Variants in RASGRP1 observed in about 807,000 individuals in gnomAD.
The protein encoded by RASGRP1 is RAS guanyl-releasing protein 1.
Under a neutral mutation model 95.1 loss-of-function variants are expected in RASGRP1, and 37 were observed. That is an observed-to-expected ratio of 0.39 (90% CI 0.30 to 0.51). The LOEUF is 0.51. Among genes scored for constraint, RASGRP1 ranks in the 20% least tolerant of loss-of-function variants. The probability of loss-of-function intolerance (pLI) is 0.80; values close to 1 mark genes in which losing one functional copy is unlikely to be tolerated. For synonymous variants in RASGRP1, 325 were observed against 353.4 expected (o/e 0.92, Z 0.90); for missense variants, 711 against 965.4 (o/e 0.74, Z 3.49).
rs1890475831 is a variant in RASGRP1 at position 38,489,240 on chromosome 15, G to GAAAAAAAA, written c.*1313_*1314insTTTTTTTT. On this transcript the variant is annotated 3_prime_UTR_variant, in exon 17 of 17. Transcript: ENST00000310803. ...GCTAAGTACCCCCAAAAAGGAAAAT[G>GAAAAAAAA]ATCATATGATTTTTTTTTTTTTAAG... The GAAAAAAAA allele has an allele frequency of 6.6e-6, 1 of 151,222 alleles. No homozygotes were observed. The highest frequency in any genetic ancestry group is 1.5e-5 in the Non-Finnish European group (1 of 67,794). The allele number at this position is 151,222 out of a possible 1,614,324, so 9.4% of individuals were successfully genotyped here.
chr15:38,509,243 C>T (rs1459016494), intron 8 of RASGRP1, among the ~76,000 whole-genome samples: 1 of 152,160 alleles, frequency 6.6e-6, no homozygotes, highest in Non-Finnish European at 1.5e-5. Context: ...TTGCCAACAT[C>T]ATTACTCTTG....
At chr15:38,505,779 A>G (rs1891231883) in intron 10 of RASGRP1, 61 bp downstream of exon 10, 1 of 1,319,244 alleles carries the variant, frequency 7.6e-7, no homozygotes, top group Admixed American at 1.8e-5. Flanking sequence ...AGGATGAATG[A>G]ACTCGAGGAG....
Position 38,488,193 on chromosome 15 carries a change from T to C in RASGRP1, c.*2361A>G, listed in dbSNP as rs900153425. The stretch of plus-strand genomic sequence containing the variant: ...AAAAACTTTACAATCTGTACATTTG[T>C]TTTTTTCTTGCATTTCTATATTATA... On this transcript the variant is annotated 3_prime_UTR_variant, in exon 17 of 17. Transcript: ENST00000310803. 6.6e-6 allele frequency: 1 copy of C among 152,030 alleles called. No homozygotes were observed. Among genetic ancestry groups the C allele is most frequent in the Admixed American group, 6.6e-5 (1 of 15,256 alleles). 9.4% of individuals were successfully genotyped at this position (152,030 alleles called of 1,614,324 possible).
At chr15:38,547,729 A>T (rs764479184) in intron 2 of RASGRP1, among the ~76,000 whole-genome samples, 6 of 152,202 alleles carry the variant, frequency 3.9e-5, no homozygotes, top group Non-Finnish European at 7.3e-5. Context: ...GGTAAATGGC[A>T]GACTCAGTGA....
chr15:38,564,126 G>A (rs536474879), intron 1 of RASGRP1, among the ~76,000 whole-genome samples: 175 of 152,346 alleles, frequency 1.1e-3, no homozygotes, highest in African/African-American at 4.1e-3. Flanking sequence ...GGCAACCGAG[G>A]GGTGCCACCT....
At chr15:38,517,841 C>A (rs62003615) in intron 5 of RASGRP1, among the ~76,000 whole-genome samples, 1,705 of 152,248 alleles carry the variant, frequency 0.011, 20 homozygotes, top group Non-Finnish European at 0.019. Flanking sequence ...GGAATCCCAT[C>A]CAGCTCTGGA....
intron 11 of RASGRP1, 54 bp downstream of exon 11, chr15:38,503,218 A>G: frequency 7.0e-6 from 10 of 1,437,956 alleles, no homozygotes; most frequent in Non-Finnish European, 9.7e-6. Context: ...CCCCACATAC[A>G]AAACTGAGCC....
chr15:38,524,177 GGAGTTT>G (rs1892104935), intron 3 of RASGRP1: 1 of 152,112 alleles, frequency 6.6e-6, no homozygotes, highest in Non-Finnish European at 1.5e-5. Context: ...CTTGATGCCA[GGAGTTT>G]GAGACCAGAC....
At chr15:38,555,740 A>C (rs1893530610) in intron 2 of RASGRP1, among the ~76,000 whole-genome samples, 1 of 152,228 alleles carries the variant, frequency 6.6e-6, no homozygotes, top group Admixed American at 6.5e-5. Context: ...AAGAAAAAAT[A>C]AGTCAGTCCA....
intron 2 of RASGRP1, among the ~76,000 whole-genome samples, chr15:38,556,736 A>G (rs1041903225): frequency 3.3e-5 from 5 of 152,226 alleles, no homozygotes; most frequent in African/African-American, 1.2e-4. Flanking sequence ...GTATACGAAA[A>G]TAGCCACATG....
At chr15:38,552,519 C>G (rs1462902922) in intron 2 of RASGRP1, among the ~76,000 whole-genome samples, 6 of 152,132 alleles carry the variant, frequency 3.9e-5, no homozygotes, top group Non-Finnish European at 8.8e-5. Flanking sequence ...AGACTACTAA[C>G]AAGCTACTAA....
chr15:38,524,638 G>C (rs986444346), intron 3 of RASGRP1, among the ~76,000 whole-genome samples: 1 of 152,182 alleles, frequency 6.6e-6, no homozygotes, highest in Non-Finnish European at 1.5e-5. Flanking sequence ...ACTTCACACA[G>C]TTACGAAGTG....
At chr15:38,564,230 G>A (rs553567795) in intron 1 of RASGRP1, among the ~76,000 whole-genome samples, 6 of 152,210 alleles carry the variant, frequency 3.9e-5, no homozygotes, top group Non-Finnish European at 8.8e-5. Context: ...CAGCAGGTGC[G>A]GGCAGCGCGG....
chr15:38,506,127 A>ATATCT (rs1011073923), intron 9 of RASGRP1, among the ~76,000 whole-genome samples: 1 of 80,956 alleles, frequency 1.2e-5, no homozygotes, highest in Non-Finnish European at 2.6e-5. Context: ...AATTTTGGAC[A>ATATCT]TAGGATGCCC....
At position 38,518,403 on chromosome 15, in the gene RASGRP1, C is replaced by A; in HGVS notation, c.410G>T (p.Trp137Leu). Residue 137 changes from tryptophan (W) to leucine (L), a missense_variant, in exon 5 of 17, where the codon TGG becomes TTG. Trp to Leu is a moderately conservative substitution (Grantham distance 61). Coordinates refer to ENST00000310803, the MANE Select transcript of RASGRP1 (RefSeq NM_005739.4). ...YFVRYWITEF[W>L]VMFKMDASLT... is the part of the protein sequence containing the mutation. The stretch of plus-strand genomic sequence containing the variant: ...GCTGGCGTCCATTTTAAACATGACC[C>A]AGAATTCTGTTATCCAATACCTACA... 1 of 1,605,270 alleles carries A rather than the reference C, an allele frequency of 6.2e-7. No individual in the cohort carries two copies. The highest frequency in any genetic ancestry group is 2.2e-5 in the East Asian group (1 of 44,536).
In RASGRP1 at chr15:38,501,233, T is replaced by C; in HGVS notation, c.1593A>G (p.Ser531=). Residue 531 remains serine (S), a synonymous_variant, in exon 13 of 17, where the codon TCA becomes TCG. Coordinates refer to ENST00000310803, the MANE Select transcript of RASGRP1 (RefSeq NM_005739.4). ...EITAYFMRAS[S]IYSKLGLGFP... Reference sequence around the variant, plus strand: ...AGCCCAGGCCCAGCTTGGAATAGATTGAGCTGGCTCTCATGAAGTAGGCTG... The same window carrying C: ...AGCCCAGGCCCAGCTTGGAATAGATCGAGCTGGCTCTCATGAAGTAGGCTG... 3.7e-6 allele frequency: 6 copies of C among 1,612,954 alleles called. No homozygotes were observed. Among genetic ancestry groups the C allele is most frequent in the Non-Finnish European group, 4.2e-6 (5 of 1,179,218 alleles).
chr15:38,560,812 G>C (rs1893774641), intron 1 of RASGRP1, among the ~76,000 whole-genome samples: 1 of 152,148 alleles, frequency 6.6e-6, no homozygotes, highest in Non-Finnish European at 1.5e-5. Context: ...CGTTGTTCCA[G>C]CACTCAGTGT....
At chr15:38,523,898 C>G (rs1284436694) in intron 3 of RASGRP1, among the ~76,000 whole-genome samples, 1 of 152,144 alleles carries the variant, frequency 6.6e-6, no homozygotes, top group Non-Finnish European at 1.5e-5. Flanking sequence ...TGTAAGTACA[C>G]TCTATGGTGT....
chr15:38,502,237 C>G, intron 12 of RASGRP1, 75 bp downstream of exon 12: 1 of 1,043,290 alleles, frequency 9.6e-7, no homozygotes, highest in Non-Finnish European at 1.4e-6. Flanking sequence ...TTTTCAAATT[C>G]TTCTAGTGAC....
Sources: allele counts gnomAD v4.1 joint callset (sites outside exome capture counted in the v4.1 genomes callset), GRCh38; gene constraint gnomAD v4.1.1; transcripts MANE v1.5; gene names NCBI Gene and HGNC (gene_info 2026-07-23, HGNC 2026-07-21).